The following GRM3 variants were observed in gnomAD, a reference collection of about 807,000 sequenced individuals.
The protein encoded by GRM3 is metabotropic glutamate receptor 3.
In GRM3, 26 loss-of-function variants were observed where a neutral mutation model predicts 70.5. The ratio of observed to expected loss-of-function variants is 0.37; its 90% CI spans 0.27 to 0.51. The LOEUF (loss-of-function observed/expected upper bound fraction) is 0.51, where lower values mean the gene tolerates loss of function less well. GRM3 is among the 20% of genes least tolerant of loss of function. GRM3 has a pLI of 0.93. For missense variants in GRM3, 859 were observed against 1,123.8 expected (o/e 0.76, Z 3.37); for synonymous variants, 443 against 434.9 (o/e 1.02, Z -0.23).
rs552474654 is a variant in GRM3, at chr7:86,644,736, A to T, written c.-277A>T. 2 of 1,202,964 alleles carry T rather than the reference A, an allele frequency of 1.7e-6. No individual in the cohort carries two copies. Among genetic ancestry groups the T allele is most frequent in the South Asian group, 2.5e-5 (2 of 79,326 alleles). 74.5% of individuals were successfully genotyped at this position (1,202,964 alleles called of 1,614,324 possible). On this transcript the variant is annotated 5_prime_UTR_variant, in exon 1 of 6. Coordinates refer to ENST00000361669, the MANE Select transcript of GRM3 (RefSeq NM_000840.3). ...AAAATAAGTTCTCCCTTGGATTTGG[A>T]AAGGACAAAGCCAGTAAGCTACCTC...
At chr7:86,722,339 C>T (rs1184542517) in intron 1 of GRM3, among the ~76,000 whole-genome samples, 1 of 152,028 alleles carries the variant, frequency 6.6e-6, no homozygotes, top group Non-Finnish European at 1.5e-5. Context: ...ATAGCAGAGA[C>T]TTGGAACCAA....
chr7:86,791,001 AC>A (rs1219910202), intron 3 of GRM3, among the ~76,000 whole-genome samples: 2 of 152,074 alleles, frequency 1.3e-5, no homozygotes, highest in Non-Finnish European at 1.5e-5. Context: ...TTTGATCCTC[AC>A]ACTAGAATAT....
intron 5 of GRM3, among the ~76,000 whole-genome samples, chr7:86,863,123 C>T (rs1042463536): frequency 5.9e-5 from 9 of 152,060 alleles, no homozygotes; most frequent in African/African-American, 7.2e-5. Flanking sequence ...CCGATTCTCT[C>T]GGCTACATGG....
chr7:86,818,512 A>G (rs757588188), intron 3 of GRM3, among the ~76,000 whole-genome samples: 16 of 152,210 alleles, frequency 1.1e-4, no homozygotes, highest in Non-Finnish European at 1.9e-4. Flanking sequence ...TCTGTAAAAT[A>G]TCAGTAAGAA....
chr7:86,703,018 T>C (rs536917288), intron 1 of GRM3, among the ~76,000 whole-genome samples: 23 of 152,006 alleles, frequency 1.5e-4, no homozygotes, highest in Non-Finnish European at 2.8e-4. Context: ...AAATGAAGTT[T>C]TGTTTTCATG....
chr7:86,782,329 G>T (rs1421078756), intron 2 of GRM3, among the ~76,000 whole-genome samples: 33 of 141,724 alleles, frequency 2.3e-4, no homozygotes, highest in African/African-American at 5.7e-4. Flanking sequence ...TTATGGGGTG[G>T]TTTTTTTTTT....
chr7:86,823,855 C>T (rs1181766897), intron 3 of GRM3, among the ~76,000 whole-genome samples: 1 of 152,128 alleles, frequency 6.6e-6, no homozygotes, highest in African/African-American at 2.4e-5. Context: ...TGGTTTCCCA[C>T]AATCTGTGAC....
intron 5 of GRM3, among the ~76,000 whole-genome samples, chr7:86,854,482 A>C (rs1217938300): frequency 6.6e-6 from 1 of 152,214 alleles, no homozygotes; most frequent in African/African-American, 2.4e-5. Flanking sequence ...TGTGCAAAAG[A>C]GTACAATTAA....
At chr7:86,771,718 T>C (rs1412698507) in intron 2 of GRM3, among the ~76,000 whole-genome samples, 1 of 152,032 alleles carries the variant, frequency 6.6e-6, no homozygotes, top group Non-Finnish European at 1.5e-5. Flanking sequence ...AGTCCAAGTG[T>C]AGAATCTGAG....
At chr7:86,763,274 A>G (rs1197189737) in intron 1 of GRM3, among the ~76,000 whole-genome samples, 2 of 152,136 alleles carry the variant, frequency 1.3e-5, no homozygotes, top group Admixed American at 6.6e-5. Context: ...ATGCTCAACT[A>G]GAACACACAA....
At chr7:86,856,285 A>C (rs959027408) in intron 5 of GRM3, among the ~76,000 whole-genome samples, 1 of 152,054 alleles carries the variant, frequency 6.6e-6, no homozygotes, top group African/African-American at 2.4e-5. Flanking sequence ...TTCTACTAAA[A>C]AAATACAAAA....
chr7:86,690,995 A>C (rs992319077), intron 1 of GRM3, among the ~76,000 whole-genome samples: 2 of 152,122 alleles, frequency 1.3e-5, no homozygotes, highest in Non-Finnish European at 2.9e-5. Flanking sequence ...TCTAAAATTA[A>C]CATAGCCAAA....
At chr7:86,846,565 G>A (rs1417169680) in intron 4 of GRM3, among the ~76,000 whole-genome samples, 15 of 152,078 alleles carry the variant, frequency 9.9e-5, no homozygotes, top group Admixed American at 9.8e-4. Flanking sequence ...AATCCAAATG[G>A]GGAGGAAATT....
chr7:86,748,190 T>G (rs1275522983), intron 1 of GRM3, among the ~76,000 whole-genome samples: 2 of 152,074 alleles, frequency 1.3e-5, no homozygotes, highest in African/African-American at 4.8e-5. Flanking sequence ...ACTTTATGTT[T>G]CCTACAGCTG....
Position 86,864,687 on chromosome 7 carries a change from G to A in GRM3, c.*332G>A, listed in dbSNP as rs896405033. The A allele has an allele frequency of 1.6e-5, 3 of 191,136 alleles. No individual in the cohort carries two copies. Among genetic ancestry groups the A allele is most frequent in the African/African-American group, 7.1e-5 (3 of 42,360 alleles). The allele number at this position is 191,136 out of a possible 1,614,324, so 11.8% of individuals were successfully genotyped here. On this transcript the variant is annotated 3_prime_UTR_variant, in exon 6 of 6. Transcript: ENST00000361669. ...AAACAAAAGAAAAAAATAAAAATAC[G>A]GTGGCAATATTATGTAACCTTTTTT...
intron 1 of GRM3, among the ~76,000 whole-genome samples, chr7:86,702,637 T>A (rs926708546): frequency 2.6e-5 from 4 of 151,976 alleles, no homozygotes; most frequent in African/African-American, 9.7e-5. Context: ...CTTTACAAAA[T>A]TTTACCTTCT....
intron 4 of GRM3, among the ~76,000 whole-genome samples, chr7:86,840,370 T>C (rs893108116): frequency 6.6e-6 from 1 of 152,192 alleles, no homozygotes; most frequent in Non-Finnish European, 1.5e-5. Flanking sequence ...AGTTTAAAGA[T>C]AGAAACTTTC....
chr7:86,752,969 G>A (rs1796264770), intron 1 of GRM3, among the ~76,000 whole-genome samples: 1 of 151,994 alleles, frequency 6.6e-6, no homozygotes, highest in Non-Finnish European at 1.5e-5. Context: ...TGAGGAGAAG[G>A]AGATGATCAC....
At chr7:86,670,012 C>A (rs1794131251) in intron 1 of GRM3, among the ~76,000 whole-genome samples, 1 of 152,174 alleles carries the variant, frequency 6.6e-6, no homozygotes, top group Non-Finnish European at 1.5e-5. Context: ...TTGAAACACT[C>A]TGTAGCTCTA....
Sources: allele counts gnomAD v4.1 joint callset (sites outside exome capture counted in the v4.1 genomes callset), GRCh38; gene constraint gnomAD v4.1.1; transcripts MANE v1.5; gene names NCBI Gene and HGNC (gene_info 2026-07-23, HGNC 2026-07-21).